INTS6L: variants seen among roughly 807,000 people sequenced by gnomAD.
The protein encoded by INTS6L is integrator complex subunit 6 like.
INTS6L carries 18 observed loss-of-function variants against 64.7 expected under a neutral mutation model. That is an observed-to-expected ratio of 0.28 (90% confidence interval 0.19 to 0.41). The LOEUF (loss-of-function observed/expected upper bound fraction) is 0.41. Among genes scored for constraint, INTS6L ranks in the 10% least tolerant of loss-of-function variants. The pLI is 1.00. For missense variants in INTS6L, 533 were observed against 661.0 expected (o/e 0.81, Z 2.12); for synonymous variants, 227 against 235.9 (o/e 0.96, Z 0.34).
At chrX:135,571,207 C>A (rs2087084624) in intron 11 of INTS6L, 1 of 111,930 alleles carries the variant, frequency 8.9e-6, no homozygotes, top group African/African-American at 3.2e-5. Flanking sequence ...CCTTATCATA[C>A]TTCTCACCTC....
chrX:135,551,307 A>C (rs782719411), intron 7 of INTS6L, among the ~76,000 whole-genome samples: 32 of 111,633 alleles, frequency 2.9e-4, no homozygotes, highest in Non-Finnish European at 5.5e-4. Context: ...CACACAAGCT[A>C]AACCTGTTAC....
intron 9 of INTS6L, among the ~76,000 whole-genome samples, chrX:135,566,795 T>C (rs2086962573): frequency 1.8e-5 from 2 of 110,695 alleles, no homozygotes; most frequent in Admixed American, 1.9e-4. Flanking sequence ...TTGTAACAAC[T>C]TTTTTTTTCG....
At chrX:135,558,638 T>TA (rs1434203840) in intron 9 of INTS6L, among the ~76,000 whole-genome samples, 4 of 111,420 alleles carry the variant, frequency 3.6e-5, no homozygotes, top group Non-Finnish European at 7.5e-5. Context: ...CAGTGGGTAA[T>TA]AGAGTTTCAG....
intron 2 of INTS6L, among the ~76,000 whole-genome samples, chrX:135,534,682 CTTT>C (rs1293328959): frequency 4.3e-5 from 4 of 92,079 alleles, no homozygotes; most frequent in Admixed American, 1.2e-4. Flanking sequence ...TTTTTCTTTT[CTTT>C]TTTTTTTTTT....
rs2087264470 is a variant in INTS6L, at chrX:135,577,571, A to G, written c.2119+144A>G. 3 of 578,484 alleles carry G rather than the reference A, an allele frequency of 5.2e-6. No homozygotes were observed. The African/African-American group carries it at 6.9e-5, about 13-fold the overall frequency. The allele number at this position is 578,484 out of a possible 1,213,427, so 47.7% of individuals were successfully genotyped here. On this transcript the variant is annotated intron_variant, in intron 15 of 17. Coordinates refer to ENST00000639893, the MANE Select transcript of INTS6L (RefSeq NM_001351601.3). ...TTACTAAATCATCTATTTGGTAGGT[A>G]CAATAAACCCCACAGGGAGCAGAGA...
chrX:135,556,550 C>T lies in INTS6L; in HGVS notation c.1192+250C>T, dbSNP rs782723802. On this transcript the variant is annotated intron_variant, in intron 9 of 17. Transcript: ENST00000639893. ...GCAACTTCCAATGCACACCCCACCC[C>T]CAATCCCCAGTTTGAAGTGCACTTG... Among the ~76,000 whole-genome samples the T allele has an allele frequency of 6.3e-5, 7 of 111,475 alleles. 1 individual carries two copies. The highest frequency in any genetic ancestry group is 3.7e-4 in the South Asian group (1 of 2,683).
intron 9 of INTS6L, among the ~76,000 whole-genome samples, chrX:135,561,915 A>C (rs1244551053): frequency 9.0e-6 from 1 of 111,100 alleles, no homozygotes; most frequent in African/African-American, 3.3e-5. Context: ...TACGGGTCTT[A>C]TGTCTTCTTT....
chrX:135,566,467 A>C (rs782657306), intron 9 of INTS6L, among the ~76,000 whole-genome samples: 1 of 112,040 alleles, frequency 8.9e-6, no homozygotes, highest in Non-Finnish European at 1.9e-5. Context: ...CACAGACTAC[A>C]TAAGTCCAGA....
intron 8 of INTS6L, among the ~76,000 whole-genome samples, chrX:135,555,498 T>A (rs988696017): frequency 8.9e-6 from 1 of 112,229 alleles, no homozygotes; most frequent in Non-Finnish European, 1.9e-5. Flanking sequence ...TACCACTTGT[T>A]CTTTTGAGAA....
intron 11 of INTS6L, 65 bp downstream of exon 11, chrX:135,570,611 T>C (rs1449197034): frequency 2.7e-6 from 3 of 1,099,187 alleles, no homozygotes; most frequent in Non-Finnish European, 3.6e-6. Flanking sequence ...CCTTATTCTT[T>C]AGTGTAATTG....
At chrX:135,575,808 G>GTGTA (rs10579594) in intron 14 of INTS6L, among the ~76,000 whole-genome samples, 2 of 106,973 alleles carry the variant, frequency 1.9e-5, no homozygotes, top group East Asian at 2.9e-4. Flanking sequence ...GTGTGTGTGT[G>GTGTA]TATGTGTGTG....
rs1287159390 is a variant in INTS6L, at chrX:135,529,334, G to A, written c.189+8016G>A. ...TTAACAAAGGGGAATTTGTATCACT[G>A]CTGTTTTTGAGAGCTTTCTTGATGT... On this transcript the variant is annotated intron_variant, in intron 2 of 17. Transcript: ENST00000639893. Among the ~76,000 whole-genome samples, 3 of 111,763 alleles carry A rather than the reference G, an allele frequency of 2.7e-5. No individual in the cohort carries two copies. In the East Asian group the frequency reaches 8.5e-4, roughly 32 times the overall value.
chrX:135,542,674 A>T (rs1237286862), intron 2 of INTS6L, among the ~76,000 whole-genome samples: 2 of 112,008 alleles, frequency 1.8e-5, no homozygotes, highest in East Asian at 5.5e-4. Flanking sequence ...ATTTTAAATA[A>T]AGATGAGTCA....
intron 2 of INTS6L, among the ~76,000 whole-genome samples, chrX:135,535,067 G>C (rs1201069668): frequency 9.0e-6 from 1 of 111,492 alleles, no homozygotes; most frequent in African/African-American, 3.3e-5. Flanking sequence ...TTAGTACCTT[G>C]AGTAAAGTGA....
At chrX:135,539,398 T>G (rs782780004) in intron 2 of INTS6L, among the ~76,000 whole-genome samples, 2 of 112,135 alleles carry the variant, frequency 1.8e-5, no homozygotes, top group East Asian at 5.6e-4. Flanking sequence ...AGTTGAAGAT[T>G]CATTCCATCA....
At chrX:135,523,049 A>G (rs782812672) in intron 2 of INTS6L, among the ~76,000 whole-genome samples, 2 of 111,892 alleles carry the variant, frequency 1.8e-5, no homozygotes, top group Non-Finnish European at 3.8e-5. Context: ...GAAGTAGTAA[A>G]AAAGATAAAC....
intron 2 of INTS6L, among the ~76,000 whole-genome samples, chrX:135,531,729 A>T (rs1351346489): frequency 2.7e-5 from 3 of 111,746 alleles, no homozygotes; most frequent in Admixed American, 9.5e-5. Context: ...CCAGCCTGCC[A>T]TTCTGAGCTC....
chrX:135,534,449 C>T (rs782070867), intron 2 of INTS6L, among the ~76,000 whole-genome samples: 5 of 110,438 alleles, frequency 4.5e-5, no homozygotes, highest in Admixed American at 9.8e-5. Flanking sequence ...AAGTAGAAGA[C>T]GCAAGTAAAC....
At chrX:135,576,831 T>G (rs1296517377) in intron 14 of INTS6L, among the ~76,000 whole-genome samples, 3 of 112,752 alleles carry the variant, frequency 2.7e-5, no homozygotes, top group African/African-American at 9.7e-5. Flanking sequence ...TAGTTCGTAC[T>G]TCTCTCCTTT....
Sources: allele counts gnomAD v4.1 joint callset (sites outside exome capture counted in the v4.1 genomes callset), GRCh38; gene constraint gnomAD v4.1.1; transcripts MANE v1.5; gene names NCBI Gene and HGNC (gene_info 2026-07-23, HGNC 2026-07-21).